ADAM22: variants seen among roughly 807,000 people sequenced by gnomAD.
The protein encoded by ADAM22 is ADAM metallopeptidase domain 22.
In ADAM22, 65 loss-of-function variants were observed where a neutral mutation model predicts 144.6. The observed-to-expected ratio is 0.45, with a 90% CI of 0.37 to 0.55. The LOEUF (loss-of-function observed/expected upper bound fraction) is 0.55, where lower values mean the gene tolerates loss of function less well. Ranked by LOEUF, ADAM22 falls within the 20% of genes least tolerant of loss-of-function variation. The pLI, the probability that ADAM22 is intolerant of heterozygous loss-of-function variation, is 0.00. For synonymous variants in ADAM22, 391 were observed against 412.6 expected (o/e 0.95, Z 0.63); for missense variants, 974 against 1,184.9 (o/e 0.82, Z 2.61).
chr7:88,007,321 G>A (rs1365292948), intron 3 of ADAM22, among the ~76,000 whole-genome samples: 1 of 152,124 alleles, frequency 6.6e-6, no homozygotes, highest in African/African-American at 2.4e-5. Flanking sequence ...TGGCCATACT[G>A]CCCCAGGTAA....
chr7:88,106,611 G>A (rs1824468583), intron 4 of ADAM22, among the ~76,000 whole-genome samples: 2 of 152,166 alleles, frequency 1.3e-5, no homozygotes, highest in African/African-American at 4.8e-5. Context: ...GTATCTCAGT[G>A]AGTCAATTTA....
chr7:88,154,549 G>T (rs1433987016), intron 21 of ADAM22, among the ~76,000 whole-genome samples: 1 of 151,902 alleles, frequency 6.6e-6, no homozygotes, highest in Non-Finnish European at 1.5e-5. Context: ...AACTTCCACA[G>T]CCCTTTGTAC....
intron 2 of ADAM22, among the ~76,000 whole-genome samples, chr7:87,966,729 T>TG (rs1849165209): frequency 7.8e-6 from 1 of 127,924 alleles, no homozygotes; most frequent in Admixed American, 7.7e-5. Flanking sequence ...CCGTTTTTTT[T>TG]TTTTTTTTTT....
At chr7:87,949,609 G>A (rs1844541431) in intron 2 of ADAM22, among the ~76,000 whole-genome samples, 1 of 151,996 alleles carries the variant, frequency 6.6e-6, no homozygotes, top group African/African-American at 2.4e-5. Context: ...GAATTCATAT[G>A]GCATATTCAG....
chr7:88,057,517 TGAA>T (rs1343869484), intron 3 of ADAM22, among the ~76,000 whole-genome samples: 5 of 152,202 alleles, frequency 3.3e-5, no homozygotes, highest in African/African-American at 4.8e-5. Context: ...TTGACATAAA[TGAA>T]GAAGATCTCA....
At chr7:88,135,891 A>G in intron 13 of ADAM22, 89 bp from the exon 14 acceptor site, 1 of 1,151,150 alleles carries the variant, frequency 8.7e-7, no homozygotes, top group Non-Finnish European at 1.2e-6. Flanking sequence ...TTTAAGGAAT[A>G]AAGTGGAGAT....
rs780170037 is a variant in ADAM22, at chr7:88,130,474, C to T, written c.825+15C>T. The T allele has an allele frequency of 4.4e-6, 7 of 1,605,456 alleles. No homozygotes were observed. Among genetic ancestry groups the T allele is most frequent in the African/African-American group, 2.7e-5 (2 of 74,690 alleles). ...TGGCAGATTTAGTAAGTATCAACCCCGTTCATTATTGCCCTAGAAGATTCT... is the reference window on the plus strand; with the variant it reads ...TGGCAGATTTAGTAAGTATCAACCCTGTTCATTATTGCCCTAGAAGATTCT... On this transcript the variant is annotated intron_variant, in intron 10 of 31. Coordinates refer to ENST00000413139, the MANE Select transcript of ADAM22 (RefSeq NM_001324418.2).
In ADAM22 at chr7:88,128,627, A is replaced by T; in HGVS notation, c.704A>T (p.Glu235Val). Residue 235 changes from glutamate (E) to valine (V), a missense_variant, in exon 9 of 32, where the codon GAA becomes GTA. Coordinates refer to ENST00000413139, the MANE Select transcript of ADAM22 (RefSeq NM_001324418.2). ...RQLRRYPRNV[E>V]EETKYIELMI... Reference sequence around the variant, plus strand: ...CTTCGTCGATATCCTCGTAATGTAGAAGAAGAAACCAAATACATTGAACTG... The same window carrying T: ...CTTCGTCGATATCCTCGTAATGTAGTAGAAGAAACCAAATACATTGAACTG... 1 of 1,611,998 alleles carries T rather than the reference A, an allele frequency of 6.2e-7. No homozygotes were observed. The highest frequency in any genetic ancestry group is 1.1e-5 in the South Asian group (1 of 91,004).
chr7:88,011,832 T>G (rs1795506522), intron 3 of ADAM22, among the ~76,000 whole-genome samples: 1 of 151,696 alleles, frequency 6.6e-6, no homozygotes, highest in Non-Finnish European at 1.5e-5. Context: ...TGTAGATATT[T>G]TGGTATTTAT....
chr7:88,045,812 T>C (rs2129472923), intron 3 of ADAM22, among the ~76,000 whole-genome samples: 1 of 152,254 alleles, frequency 6.6e-6, no homozygotes, highest in South Asian at 2.1e-4. Context: ...TTATTTCATT[T>C]ATAATGTCCT....
chr7:88,010,979 G>GT (rs1450392882), intron 3 of ADAM22, among the ~76,000 whole-genome samples: 1 of 152,154 alleles, frequency 6.6e-6, no homozygotes, highest in Non-Finnish European at 1.5e-5. Context: ...AGTAAATGTG[G>GT]TGTGCTTTTT....
chr7:88,086,600 A>T (rs1346956481), intron 4 of ADAM22, among the ~76,000 whole-genome samples: 1 of 152,238 alleles, frequency 6.6e-6, no homozygotes, highest in Non-Finnish European at 1.5e-5. Context: ...TTAAATTCTT[A>T]ATTTACTCAT....
At chr7:88,073,195 C>T (rs1466968884) in intron 3 of ADAM22, among the ~76,000 whole-genome samples, 2 of 152,284 alleles carry the variant, frequency 1.3e-5, no homozygotes, top group Middle Eastern at 6.8e-3. Flanking sequence ...TAATGTAATT[C>T]TGGCAGAAGA....
intron 3 of ADAM22, among the ~76,000 whole-genome samples, chr7:88,023,809 C>A (rs1464912182): frequency 1.4e-5 from 2 of 147,146 alleles, no homozygotes; most frequent in Non-Finnish European, 3.1e-5. Flanking sequence ...TTTTGGTACT[C>A]CTTAGCTACC....
intron 31 of ADAM22, among the ~76,000 whole-genome samples, chr7:88,195,626 C>T (rs1277288187): frequency 6.6e-6 from 1 of 152,140 alleles, no homozygotes; most frequent in East Asian, 1.9e-4. Context: ...CGCCATTCTC[C>T]TGCCTCAGCC....
chr7:88,131,711 T>C (rs1831841903), intron 11 of ADAM22: 1 of 416,472 alleles, frequency 2.4e-6, no homozygotes, highest in Non-Finnish European at 4.3e-6. Flanking sequence ...TACTCATATA[T>C]AGTATTCTTA....
chr7:88,113,691 AAT>A (rs1826721872), intron 5 of ADAM22, among the ~76,000 whole-genome samples: 1 of 56,958 alleles, frequency 1.8e-5, no homozygotes, highest in Admixed American at 2.2e-4. Flanking sequence ...ATATATTATA[AAT>A]AAATAAATAA....
At chr7:88,141,545 T>C (rs1834655934) in intron 14 of ADAM22, among the ~76,000 whole-genome samples, 1 of 152,146 alleles carries the variant, frequency 6.6e-6, no homozygotes, top group Non-Finnish European at 1.5e-5. Flanking sequence ...TTTTTTTCCC[T>C]TTTTATCAAA....
At chr7:88,134,715 G>A (rs571395712) in intron 13 of ADAM22, among the ~76,000 whole-genome samples, 1 of 152,218 alleles carries the variant, frequency 6.6e-6, no homozygotes, top group South Asian at 2.1e-4. Flanking sequence ...TAATGGTTTA[G>A]TAGAGAATTC....
Sources: gnomAD v4.1 joint callset for allele counts (sites outside exome capture counted in the v4.1 genomes callset) on GRCh38, gnomAD v4.1.1 for gene constraint, MANE v1.5 for transcripts, NCBI Gene and HGNC (gene_info 2026-07-23, HGNC 2026-07-21) for gene names.